The following MMP26 variants were observed in gnomAD, a reference collection of about 807,000 sequenced individuals.
MMP26 encodes the protein matrix metalloproteinase-26.
MMP26 carries 33 observed loss-of-function variants against 31.0 expected under a neutral mutation model. The ratio of observed to expected loss-of-function variants is 1.06; its 90% CI spans 0.81 to 1.42. The LOEUF (loss-of-function observed/expected upper bound fraction) is 1.42, where lower values mean the gene tolerates loss of function less well. Among genes scored for constraint, MMP26 ranks in the 40% most tolerant of loss-of-function variants. The pLI, the probability that MMP26 is intolerant of heterozygous loss-of-function variation, is 0.00. For synonymous variants in MMP26, 122 were observed against 114.9 expected, an observed-to-expected ratio of 1.06 and a Z score of -0.40; for missense variants, 347 against 316.1, an observed-to-expected ratio of 1.10 and a Z score of -0.74.
chr11:4,868,275 A>C (rs989412958), intron 2 of MMP26, among the ~76,000 whole-genome samples: 28 of 152,120 alleles, frequency 1.8e-4, no homozygotes, highest in Non-Finnish European at 2.5e-4. Context: ...TGGAACTCAA[A>C]TTGTCCCTGT....
rs181715659 is a variant in MMP26 at position 4,780,212 on chromosome 11, A to G, written c.-145+12871A>G. Among the ~76,000 whole-genome samples the G allele has an allele frequency of 4.9e-3, 740 of 152,296 alleles. 3 individuals are homozygous for G. Among genetic ancestry groups the G allele is most frequent in the African/African-American group, 0.016 (682 of 41,568 alleles). On this transcript the variant is annotated intron_variant, in intron 2 of 7. Coordinates refer to ENST00000380390, the MANE Select transcript of MMP26 (RefSeq NM_021801.5). ...AACACATTTCTGTTGGGGTTTATCA[A>G]GAAATAAAATTTCTAGTTCATAAGG... is the stretch of plus-strand genomic sequence containing the variant.
At chr11:4,849,138 C>G in intron 2 of MMP26, 3 of 1,614,006 alleles carry the variant, frequency 1.9e-6, no homozygotes, top group East Asian at 4.5e-5. Context: ...GCCTGGCATG[C>G]CCACCAGCAA....
intron 2 of MMP26, chr11:4,793,899 G>C (rs1849066938): frequency 1.3e-5 from 2 of 152,218 alleles, no homozygotes; most frequent in African/African-American, 2.4e-5. Flanking sequence ...GGGAATCACT[G>C]TGAGTGTATG....
rs535844795 is a variant in MMP26 at position 4,849,112 on chromosome 11, A to C, written c.-145+81771A>C. The stretch of plus-strand genomic sequence containing the variant: ...GCAATGAGGGGCAATGTCCACCAGG[A>C]GGGTGCACCTGATAGGCCTGGCATG... On this transcript the variant is annotated intron_variant, in intron 2 of 7. Coordinates refer to ENST00000380390, the MANE Select transcript of MMP26 (RefSeq NM_021801.5). 5.6e-6 allele frequency: 9 copies of C among 1,614,104 alleles called. No homozygotes were observed. Among genetic ancestry groups the C allele is most frequent in the Non-Finnish European group, 5.9e-6 (7 of 1,180,002 alleles).
chr11:4,924,138 G>A, intron 2 of MMP26: 1 of 1,614,188 alleles, frequency 6.2e-7, no homozygotes, highest in Non-Finnish European at 8.5e-7. Context: ...GTGACAGCTA[G>A]CATGCCCAAG....
At chr11:4,983,451 T>G (rs1454071546) in intron 2 of MMP26, among the ~76,000 whole-genome samples, 1 of 152,200 alleles carries the variant, frequency 6.6e-6, no homozygotes, top group Non-Finnish European at 1.5e-5. Context: ...CACCCACTCT[T>G]TACCTGAGTA....
intron 1 of MMP26, among the ~76,000 whole-genome samples, chr11:4,741,574 C>T (rs1360522230): frequency 6.7e-6 from 1 of 149,816 alleles, no homozygotes; most frequent in Non-Finnish European, 1.5e-5. Flanking sequence ...CACATGTTCT[C>T]GCTCATAAGT....
At chr11:4,799,459 C>A (rs939355729) in intron 2 of MMP26, among the ~76,000 whole-genome samples, 1 of 152,148 alleles carries the variant, frequency 6.6e-6, no homozygotes, top group African/African-American at 2.4e-5. Context: ...AGTGCTAAGC[C>A]ATTCATGAGA....
At chr11:4,945,276 G>A (rs1846277382) in intron 2 of MMP26, 1 of 152,078 alleles carries the variant, frequency 6.6e-6, no homozygotes, top group African/African-American at 2.4e-5. Flanking sequence ...TACAAAATTG[G>A]AGTCAAGAGC....
Position 4,849,997 on chromosome 11 carries a change from A to G in MMP26, c.-145+82656A>G, listed in dbSNP as rs543712551. Among the ~76,000 whole-genome samples, 9 of 152,264 alleles carry G rather than the reference A, an allele frequency of 5.9e-5. No individual in the cohort carries two copies. In the South Asian group the frequency reaches 1.9e-3, roughly 32 times the overall value. ...TAATTTTTATATGTTGGAACATTTC[A>G]AGTTCTGTCTACTAGCTATTTTGAA... On this transcript the variant is annotated intron_variant, in intron 2 of 7. Coordinates refer to ENST00000380390, the MANE Select transcript of MMP26 (RefSeq NM_021801.5).
At chr11:4,793,557 G>C (rs1012872430) in intron 2 of MMP26, among the ~76,000 whole-genome samples, 1 of 152,108 alleles carries the variant, frequency 6.6e-6, no homozygotes, top group Admixed American at 6.6e-5. Context: ...TTTAAAAACA[G>C]TACTTGAATA....
intron 2 of MMP26, chr11:4,859,954 A>G (rs1169374470): frequency 2.1e-6 from 1 of 470,990 alleles, no homozygotes; most frequent in Non-Finnish European, 4.4e-6. Flanking sequence ...GAAGATGACG[A>G]CGATGAGGCC....
At chr11:4,962,750 C>T (rs117531635) in intron 2 of MMP26, among the ~76,000 whole-genome samples, 2,560 of 152,248 alleles carry the variant, frequency 0.017, 28 homozygotes, top group Non-Finnish European at 0.025. Context: ...CATTGTTGGA[C>T]TTTTTGACAA....
At chr11:4,804,011 C>T in intron 2 of MMP26, 2 of 1,613,874 alleles carry the variant, frequency 1.2e-6, no homozygotes, top group Non-Finnish European at 1.7e-6. Context: ...ACGTAGCAGT[C>T]CAGGGCCATA....
chr11:4,745,095 T>G (rs1053760345), intron 1 of MMP26, among the ~76,000 whole-genome samples: 1 of 152,308 alleles, frequency 6.6e-6, no homozygotes, highest in East Asian at 1.9e-4. Flanking sequence ...GTTATGAAAA[T>G]TATAAATTTT....
At chr11:4,949,890 T>A (rs1328148836) in intron 2 of MMP26, among the ~76,000 whole-genome samples, 1 of 123,362 alleles carries the variant, frequency 8.1e-6, no homozygotes, top group Non-Finnish European at 1.8e-5. Flanking sequence ...AGGGTATACA[T>A]ACCCATTTCA....
At chr11:4,905,916 G>A (rs996395417) in intron 2 of MMP26, among the ~76,000 whole-genome samples, 1 of 152,096 alleles carries the variant, frequency 6.6e-6, no homozygotes, top group African/African-American at 2.4e-5. Context: ...AAATTTTAAT[G>A]CTTCATTTCC....
At chr11:4,782,949 G>T (rs747763442) in intron 2 of MMP26, among the ~76,000 whole-genome samples, 9 of 152,224 alleles carry the variant, frequency 5.9e-5, no homozygotes, top group Non-Finnish European at 1.5e-5. Flanking sequence ...TTCAGAAGAT[G>T]TATGGAAATG....
At chr11:4,848,585 A>G (rs763853085) in intron 2 of MMP26, 29 of 1,607,200 alleles carry the variant, frequency 1.8e-5, no homozygotes, top group Admixed American at 6.7e-5. Context: ...AAAGAACCAC[A>G]AATAGGCTGT....
Sources: gnomAD v4.1 joint callset for allele counts (sites outside exome capture counted in the v4.1 genomes callset) on GRCh38, gnomAD v4.1.1 for gene constraint, MANE v1.5 for transcripts, NCBI Gene and HGNC (gene_info 2026-07-23, HGNC 2026-07-21) for gene names.